FHL5: variants seen among roughly 807,000 people sequenced by gnomAD.
FHL5 encodes the protein four and a half LIM domains 5, also known as four and a half LIM domains protein 5.
FHL5 carries 33 observed loss-of-function variants against 32.0 expected under a neutral mutation model. The observed-to-expected ratio is 1.03, with a 90% CI of 0.78 to 1.38. The LOEUF (loss-of-function observed/expected upper bound fraction) is 1.38, where lower values mean the gene tolerates loss of function less well. FHL5 is among the 40% of genes most tolerant of loss of function. The pLI, the probability that FHL5 is intolerant of heterozygous loss-of-function variation, is 0.00. For missense variants in FHL5, 336 were observed against 343.9 expected (o/e 0.98, Z 0.18); for synonymous variants, 114 against 113.6 (o/e 1.00, Z -0.02).
chr6:96,565,639 C>T (rs2127957064), intron 1 of FHL5, among the ~76,000 whole-genome samples: 2 of 152,152 alleles, frequency 1.3e-5, no homozygotes, highest in South Asian at 4.2e-4. Context: ...TTGTCTCCTC[C>T]CATTTAAAAA....
intron 4 of FHL5, among the ~76,000 whole-genome samples, chr6:96,606,680 G>A (rs756016095): frequency 1.3e-5 from 2 of 152,020 alleles, no homozygotes; most frequent in African/African-American, 2.4e-5. Flanking sequence ...AAGATCTCAC[G>A]TATTCTGGGA....
At chr6:96,601,714 G>A (rs893430054) in intron 1 of FHL5, among the ~76,000 whole-genome samples, 7 of 152,168 alleles carry the variant, frequency 4.6e-5, no homozygotes, top group Non-Finnish European at 1.0e-4. Flanking sequence ...TGAAAACGAC[G>A]TTTTCCATAT....
At chr6:96,569,745 A>AT (rs921742847) in intron 1 of FHL5, among the ~76,000 whole-genome samples, 8 of 134,520 alleles carry the variant, frequency 5.9e-5, no homozygotes, top group South Asian at 2.4e-4. Context: ...ATTTGTATGG[A>AT]TTTTTTTTCC....
At chr6:96,583,788 G>T (rs1023666827) in intron 1 of FHL5, among the ~76,000 whole-genome samples, 3 of 151,954 alleles carry the variant, frequency 2.0e-5, no homozygotes, top group African/African-American at 7.3e-5. Context: ...GGACCTTAGG[G>T]CTTTAACTTT....
intron 1 of FHL5, among the ~76,000 whole-genome samples, chr6:96,572,837 G>C (rs1770507614): frequency 6.6e-6 from 1 of 152,150 alleles, no homozygotes; most frequent in Admixed American, 6.5e-5. Context: ...TTGGGGGATG[G>C]GATGGTGAAG....
intron 1 of FHL5, among the ~76,000 whole-genome samples, chr6:96,586,985 A>G (rs909590890): frequency 2.0e-5 from 3 of 152,218 alleles, no homozygotes; most frequent in Admixed American, 2.0e-4. Context: ...ACAAAGCACA[A>G]TCAAAGGAAT....
At chr6:96,578,531 T>C (rs990323885) in intron 1 of FHL5, among the ~76,000 whole-genome samples, 1 of 152,102 alleles carries the variant, frequency 6.6e-6, no homozygotes, top group Non-Finnish European at 1.5e-5. Context: ...CAATCTAGTC[T>C]AAAAAGAAGC....
chr6:96,611,759 C>A (rs949993213), intron 5 of FHL5, among the ~76,000 whole-genome samples: 2 of 152,060 alleles, frequency 1.3e-5, no homozygotes, highest in Non-Finnish European at 2.9e-5. Context: ...CACAGCAAAC[C>A]CCACCTTGGC....
intron 5 of FHL5, among the ~76,000 whole-genome samples, chr6:96,613,334 T>G (rs1322912973): frequency 5.3e-5 from 8 of 152,212 alleles, no homozygotes; most frequent in Admixed American, 5.2e-4. Context: ...ACTGCTTCAT[T>G]TGAACAAACT....
At chr6:96,599,573 G>T (rs1266514925) in intron 1 of FHL5, among the ~76,000 whole-genome samples, 1 of 152,134 alleles carries the variant, frequency 6.6e-6, no homozygotes, top group Non-Finnish European at 1.5e-5. Flanking sequence ...TCACGCCATT[G>T]AATTTCTGAA....
intron 4 of FHL5, among the ~76,000 whole-genome samples, chr6:96,606,288 T>A (rs140457153): frequency 0.01 from 1,592 of 152,066 alleles, 30 homozygotes; most frequent in African/African-American, 0.036. Flanking sequence ...ACAACAAGAA[T>A]TTAATATTCC....
intron 1 of FHL5, among the ~76,000 whole-genome samples, chr6:96,568,637 A>G (rs1770411723): frequency 6.6e-6 from 1 of 151,828 alleles, no homozygotes; most frequent in South Asian, 2.1e-4. Flanking sequence ...ACTTAATGCC[A>G]TTACTTGTAA....
intron 1 of FHL5, among the ~76,000 whole-genome samples, chr6:96,595,365 T>G (rs1174604518): frequency 6.6e-6 from 1 of 151,766 alleles, no homozygotes; most frequent in Non-Finnish European, 1.5e-5. Flanking sequence ...TTTTTTTTTC[T>G]CTTTGAATGT....
At chr6:96,611,675 C>T (rs994575791) in intron 5 of FHL5, among the ~76,000 whole-genome samples, 9 of 152,140 alleles carry the variant, frequency 5.9e-5, no homozygotes, top group African/African-American at 2.2e-4. Context: ...TCCCTTTCCT[C>T]CTTCTTCATC....
At chr6:96,604,980 G>A in intron 3 of FHL5, 56 bp downstream of exon 3, 2 of 1,410,570 alleles carry the variant, frequency 1.4e-6, no homozygotes, top group Non-Finnish European at 1.9e-6. Context: ...TTTTCATTAA[G>A]TCCCAGCACA....
chr6:96,570,067 C>T (rs377287088), intron 1 of FHL5, among the ~76,000 whole-genome samples: 2 of 151,888 alleles, frequency 1.3e-5, no homozygotes, highest in East Asian at 1.9e-4. Context: ...ATCTGCTCTA[C>T]CAATGAGCTT....
intron 1 of FHL5, among the ~76,000 whole-genome samples, chr6:96,572,435 A>T (rs1770499358): frequency 6.6e-6 from 1 of 152,066 alleles, no homozygotes; most frequent in African/African-American, 2.4e-5. Flanking sequence ...CCACAGGAAA[A>T]AGTGTTAACA....
At chr6:96,587,324 CCTTTT>C (rs1401134284) in intron 1 of FHL5, among the ~76,000 whole-genome samples, 4 of 152,110 alleles carry the variant, frequency 2.6e-5, no homozygotes, top group Non-Finnish European at 5.9e-5. Flanking sequence ...CTTCTGACTT[CCTTTT>C]GTTTCCTAAT....
intron 1 of FHL5, among the ~76,000 whole-genome samples, chr6:96,581,900 C>T (rs1248900577): frequency 6.6e-6 from 1 of 152,168 alleles, no homozygotes; most frequent in Non-Finnish European, 1.5e-5. Context: ...AGATCTATAG[C>T]ATCCATCTAC....
Sources: allele counts gnomAD v4.1 joint callset (sites outside exome capture counted in the v4.1 genomes callset), GRCh38; gene constraint gnomAD v4.1.1; transcripts MANE v1.5; gene names NCBI Gene and HGNC (gene_info 2026-07-23, HGNC 2026-07-21).